Variants in CTNNA3 observed in about 807,000 individuals in gnomAD.
The protein encoded by CTNNA3 is catenin alpha 3, also known as catenin alpha-3.
In CTNNA3, 76 loss-of-function variants were observed where a neutral mutation model predicts 95.7. The ratio of observed to expected loss-of-function variants is 0.79; its 90% confidence interval spans 0.66 to 0.96. The LOEUF is 0.96. Among genes scored for constraint, CTNNA3 ranks in the 40% least tolerant of loss-of-function variants. The probability of loss-of-function intolerance (pLI) is 0.00; values close to 1 mark genes in which losing one functional copy is unlikely to be tolerated. For missense variants in CTNNA3, 1,191 were observed against 1,089.8 expected, an observed-to-expected ratio of 1.09 and a Z score of -1.31; for synonymous variants, 431 against 374.4, an observed-to-expected ratio of 1.15 and a Z score of -1.74.
chr10:66,536,590 G>T (rs959478749), intron 10 of CTNNA3, among the ~76,000 whole-genome samples: 1 of 152,000 alleles, frequency 6.6e-6, no homozygotes, highest in Non-Finnish European at 1.5e-5. Context: ...GAAGATCATG[G>T]TCAATAGGAT....
intron 11 of CTNNA3, among the ~76,000 whole-genome samples, chr10:66,388,671 A>C (rs1018952117): frequency 2.7e-5 from 4 of 146,300 alleles, no homozygotes; most frequent in African/African-American, 5.1e-5. Context: ...GATATGAAAA[A>C]ATTATAAATA....
chr10:66,452,600 T>C (rs1393785601), intron 11 of CTNNA3, among the ~76,000 whole-genome samples: 1 of 152,170 alleles, frequency 6.6e-6, no homozygotes, highest in African/African-American at 2.4e-5. Context: ...TTTGTAAAAC[T>C]AACAAAGTAG....
In CTNNA3 at chr10:67,539,592, C is replaced by T. The variant is rs779719958; in HGVS notation, c.370G>A (p.Ala124Thr). 3 of 1,613,888 alleles carry T rather than the reference C, an allele frequency of 1.9e-6. No individual in the cohort carries two copies. The highest frequency in any genetic ancestry group is 1.7e-5 in the Admixed American group (1 of 59,994). ...FLPKREAVVQ[A>T]ARALLAAVTR... ...ACCGCAGCCAGCAAGGCACGGGCAG[C>T]TTGAACCACAGCCTCCCTTTTTGGG... is the stretch of plus-strand genomic sequence containing the variant. The change falls in exon 4 of 18, where the codon GCT (alanine) becomes ACT (threonine). Residue 124 changes from alanine to threonine, a missense_variant. Ala to Thr is a moderately conservative substitution (Grantham distance 58). Coordinates refer to ENST00000433211, the MANE Select transcript of CTNNA3 (RefSeq NM_013266.4).
chr10:67,475,538 C>CTA (rs1222205281), intron 5 of CTNNA3, among the ~76,000 whole-genome samples: 2 of 152,128 alleles, frequency 1.3e-5, no homozygotes, highest in Admixed American at 1.3e-4. Context: ...TTACCAAAGA[C>CTA]TATATCCCTA....
At chr10:67,656,212 G>A (rs1840021000) in intron 1 of CTNNA3, among the ~76,000 whole-genome samples, 1 of 152,134 alleles carries the variant, frequency 6.6e-6, no homozygotes, top group Admixed American at 6.5e-5. Flanking sequence ...AAGGATCTGA[G>A]GTTTGTCAGA....
chr10:67,601,717 C>G (rs1420031671), intron 3 of CTNNA3, among the ~76,000 whole-genome samples: 3 of 152,152 alleles, frequency 2.0e-5, no homozygotes, highest in African/African-American at 7.2e-5. Context: ...AAGAAAATGT[C>G]AAATTTAATA....
intron 8 of CTNNA3, among the ~76,000 whole-genome samples, chr10:66,770,709 G>A (rs1007733644): frequency 1.3e-5 from 2 of 151,888 alleles, no homozygotes; most frequent in Non-Finnish European, 2.9e-5. Flanking sequence ...ACCAAATAAA[G>A]GAACAGAAAG....
intron 11 of CTNNA3, among the ~76,000 whole-genome samples, chr10:66,504,992 CTATT>C (rs1286283903): frequency 6.6e-6 from 1 of 152,062 alleles, no homozygotes; most frequent in African/African-American, 2.4e-5. Flanking sequence ...ATCCTTAGGG[CTATT>C]TACTTTATCA....
At chr10:67,226,585 A>C (rs1379304376) in intron 5 of CTNNA3, among the ~76,000 whole-genome samples, 1 of 152,198 alleles carries the variant, frequency 6.6e-6, no homozygotes, top group East Asian at 1.9e-4. Context: ...TTGTCAAACA[A>C]AACAATTATC....
At chr10:66,189,906 C>T (rs11816190) in intron 13 of CTNNA3, among the ~76,000 whole-genome samples, 21,344 of 151,434 alleles carry the variant, frequency 0.14, 2,462 homozygotes, top group African/African-American at 0.32. Context: ...TTAAATTTTC[C>T]TTTCATTTTT....
At chr10:66,009,125 A>G (rs1183112426) in intron 15 of CTNNA3, among the ~76,000 whole-genome samples, 1 of 151,926 alleles carries the variant, frequency 6.6e-6, no homozygotes, top group Non-Finnish European at 1.5e-5. Flanking sequence ...TCTGTACTTC[A>G]CGTAGTCTTC....
chr10:67,287,033 A>G (rs1839632764), intron 5 of CTNNA3, among the ~76,000 whole-genome samples: 2 of 152,046 alleles, frequency 1.3e-5, no homozygotes, highest in Non-Finnish European at 2.9e-5. Flanking sequence ...CTCCATGGTG[A>G]CTGGAACATG....
chr10:67,726,971 T>TAA (rs1489148698), intron 1 of CTNNA3, among the ~76,000 whole-genome samples: 1 of 114,344 alleles, frequency 8.7e-6, no homozygotes, highest in East Asian at 2.4e-4. Context: ...ATTATATATA[T>TAA]AATATACGAT....
chr10:65,995,835 T>C (rs1254047486), intron 15 of CTNNA3, among the ~76,000 whole-genome samples: 1 of 152,058 alleles, frequency 6.6e-6, no homozygotes, highest in Non-Finnish European at 1.5e-5. Context: ...ATACCAGTGG[T>C]AGTGGGTGGG....
intron 2 of CTNNA3, among the ~76,000 whole-genome samples, chr10:67,630,026 G>A (rs551459924): frequency 8.5e-5 from 13 of 152,282 alleles, no homozygotes; most frequent in African/African-American, 2.2e-4. Flanking sequence ...CCCAGAGGCA[G>A]AGCTCTCATG....
chr10:66,631,978 A>G (rs1845152508), intron 9 of CTNNA3, among the ~76,000 whole-genome samples: 1 of 151,018 alleles, frequency 6.6e-6, no homozygotes, highest in Admixed American at 6.6e-5. Context: ...TAGCAACTAA[A>G]TATTATAAAT....
At chr10:66,549,992 G>A (rs1842165506) in intron 10 of CTNNA3, among the ~76,000 whole-genome samples, 1 of 152,120 alleles carries the variant, frequency 6.6e-6, no homozygotes, top group African/African-American at 2.4e-5. Flanking sequence ...TATCTTTAAT[G>A]TCTTCATTGA....
chr10:66,183,495 A>G (rs530212074), intron 13 of CTNNA3, among the ~76,000 whole-genome samples: 12 of 152,258 alleles, frequency 7.9e-5, no homozygotes, highest in Admixed American at 1.3e-4. Flanking sequence ...ATATAAGTGT[A>G]GCTTATCAAT....
chr10:66,111,585 C>A (rs1417859532), intron 13 of CTNNA3, among the ~76,000 whole-genome samples: 1 of 152,164 alleles, frequency 6.6e-6, no homozygotes, highest in Non-Finnish European at 1.5e-5. Context: ...GGAAATAAAA[C>A]ACAATCCTTG....
Sources: allele counts gnomAD v4.1 joint callset (sites outside exome capture counted in the v4.1 genomes callset), GRCh38; gene constraint gnomAD v4.1.1; transcripts MANE v1.5; gene names NCBI Gene and HGNC (gene_info 2026-07-23, HGNC 2026-07-21).